ZNF541: variants seen among roughly 807,000 people sequenced by gnomAD.
The protein encoded by ZNF541 is zinc finger protein 541.
Under a neutral mutation model 123.5 loss-of-function variants are expected in ZNF541, and 23 were observed. That is an observed-to-expected ratio of 0.19 (90% CI 0.13 to 0.26). ZNF541 has a LOEUF of 0.26. ZNF541 is among the 10% of genes least tolerant of loss of function. The probability of loss-of-function intolerance (pLI) is 1.00; values close to 1 mark genes in which losing one functional copy is unlikely to be tolerated. For synonymous variants in ZNF541, 751 were observed against 754.5 expected (o/e 1.00, Z 0.08); for missense variants, 1,612 against 1,789.9 (o/e 0.90, Z 1.79).
chr19:47,539,616 T>G (rs1350274162), intron 8 of ZNF541, 89 bp downstream of exon 8: 1 of 1,324,466 alleles, frequency 7.6e-7, no homozygotes, highest in East Asian at 3.1e-5. Context: ...GTCAAAGATT[T>G]TCTGTGGTAT....
intron 3 of ZNF541, among the ~76,000 whole-genome samples, chr19:47,554,954 C>T (rs1382838950): frequency 1.3e-5 from 2 of 151,330 alleles, no homozygotes; most frequent in African/African-American, 4.9e-5. Flanking sequence ...ATTAGCCGGG[C>T]ATGGTGGCAG....
chr19:47,538,582 C>T, intron 8 of ZNF541, 143 bp from the exon 9 acceptor site: 2 of 836,262 alleles, frequency 2.4e-6, no homozygotes, highest in Non-Finnish European at 3.6e-6. Flanking sequence ...AGGCTGGCCA[C>T]ACCTGAGCCA....
intron 3 of ZNF541, among the ~76,000 whole-genome samples, chr19:47,551,328 C>T: frequency 6.6e-6 from 1 of 151,590 alleles, no homozygotes; most frequent in East Asian, 2.0e-4. Flanking sequence ...GTGTGAGCCA[C>T]CGCGCCCAGC....
rs1970262335 is a variant in ZNF541, at chr19:47,544,951, C to T, written c.1578G>A (p.Lys526=). ...AGGCATCCGCAGGGAGCCCGCCTGC[C>T]TTCTGGGCCTCCTGGAGGCCGGGCT... The part of the protein sequence containing the change: ...PGEPGLQEAQ[K]AGGLPADASP... The change falls in exon 5 of 17, where the codon AAG becomes AAA. Residue 526 remains lysine (K), a synonymous_variant. Transcript: ENST00000391901. 2 of 1,534,678 alleles carry T rather than the reference C, an allele frequency of 1.3e-6. No individual in the cohort carries two copies. The highest frequency in any genetic ancestry group is 1.2e-5 in the South Asian group (1 of 84,004).
At position 47,538,490 on chromosome 19, in the gene ZNF541, A is replaced by C; in HGVS notation, c.2797-51T>G. ...GTCGCCTGAAGCCACCTACTGCACC[A>C]CTCCATCTCCAGGATGGAAAGAGAG... is the stretch of plus-strand genomic sequence containing the variant. On this transcript the variant is annotated intron_variant, in intron 8 of 16. Transcript: ENST00000391901. 3 of 1,420,254 alleles carry C rather than the reference A, an allele frequency of 2.1e-6. No homozygotes were observed. The East Asian group carries it at 7.8e-5, about 37-fold the overall frequency. 88.0% of individuals were successfully genotyped at this position (1,420,254 alleles called of 1,614,324 possible).
chr19:47,561,305 G>C (rs1035213771), intron 2 of ZNF541, among the ~76,000 whole-genome samples: 1 of 152,046 alleles, frequency 6.6e-6, no homozygotes, highest in African/African-American at 2.4e-5. Flanking sequence ...GGGCATGGTG[G>C]CACATGCTTG....
At chr19:47,553,674 G>C (rs1970699833) in intron 3 of ZNF541, among the ~76,000 whole-genome samples, 1 of 152,136 alleles carries the variant, frequency 6.6e-6, no homozygotes. Context: ...AAAGTGCTGG[G>C]ATTACAGGCG....
intron 2 of ZNF541, among the ~76,000 whole-genome samples, chr19:47,566,242 A>C (rs925113932): frequency 6.6e-6 from 1 of 152,104 alleles, no homozygotes; most frequent in African/African-American, 2.4e-5. Flanking sequence ...AGGGGAAACA[A>C]AGGATTCTTC....
At position 47,570,766 on chromosome 19, in the gene ZNF541, G is replaced by C. The variant is rs1035441623; in HGVS notation, c.-99+1130C>G. 2.2e-4 allele frequency among the ~76,000 whole-genome samples: 34 copies of C among 151,510 alleles called. No homozygotes were observed. In the South Asian group the frequency reaches 2.9e-3, roughly 13 times the overall value. On this transcript the variant is annotated intron_variant, in intron 2 of 16. Transcript: ENST00000391901. ...CTCTACAGCCTTCAATAATTTTTAA[G>C]TGCAAAGGGGTCTTAAGAGCAAAAG...
In ZNF541 at chr19:47,539,727, C is replaced by T. The variant is rs1174703773; in HGVS notation, c.2774G>A (p.Arg925Gln). 5 of 1,438,728 alleles carry T rather than the reference C, an allele frequency of 3.5e-6. No homozygotes were observed. Among genetic ancestry groups the T allele is most frequent in the African/African-American group, 1.5e-5 (1 of 66,294 alleles). 89.1% of individuals were successfully genotyped at this position (1,438,728 alleles called of 1,614,324 possible). ...CACCATGGCCATGCTCCCTATGTGT[C>T]GGGTCACTGGAACCACGGGGATCGA... Reference protein sequence around the residue: ...PQSIPVVPVTRHIGSMAMGQE... With the variant: ...PQSIPVVPVTQHIGSMAMGQE... Residue 925 changes from arginine to glutamine, a missense_variant, in exon 8 of 17, where the codon CGA becomes CAA. Around this residue, in one of 5 missense-constraint regions of ZNF541, gnomAD observed 1,080 missense variants for 1,013.8 expected, o/e 1.07. Transcript: ENST00000391901.
chr19:47,525,917 CA>C (rs34123668), intron 14 of ZNF541, among the ~76,000 whole-genome samples: 12,781 of 57,992 alleles, frequency 0.22, 222 homozygotes, highest in African/African-American at 0.27. Flanking sequence ...CTCCGTCTCA[CA>C]AAAAAAAAAA....
intron 2 of ZNF541, among the ~76,000 whole-genome samples, chr19:47,556,437 G>T (rs879610297): frequency 6.6e-6 from 1 of 152,140 alleles, no homozygotes; most frequent in Non-Finnish European, 1.5e-5. Flanking sequence ...TGAAGTACTT[G>T]ATTTTTTCTT....
rs1452692447 is a variant in ZNF541 at position 47,545,557 on chromosome 19, G to T, written c.972C>A (p.His324Gln). Reference protein sequence around the residue: ...GSSSCTPAGPHAAPAALDTEL... With the variant: ...GSSSCTPAGPQAAPAALDTEL... Reference sequence around the variant, plus strand: ...CGGTGTCCAGCGCTGCTGGGGCCGCGTGGGGGCCGGCTGGGGTGCAGGACG... The same window carrying T: ...CGGTGTCCAGCGCTGCTGGGGCCGCTTGGGGGCCGGCTGGGGTGCAGGACG... Residue 324 changes from histidine (H) to glutamine (Q), a missense_variant, in exon 5 of 17, where the codon CAC (histidine) becomes CAA (glutamine). Transcript: ENST00000391901. This position sits in a 1 kb window ranked among gnomAD's most constrained non-coding sequence, Gnocchi z 7.5. The T allele has an allele frequency of 1.3e-6, 2 of 1,538,858 alleles. No individual in the cohort carries two copies. The highest frequency in any genetic ancestry group is 1.2e-5 in the South Asian group (1 of 82,876).
At chr19:47,534,279 A>T (rs1334680115) in intron 9 of ZNF541, among the ~76,000 whole-genome samples, 1 of 152,204 alleles carries the variant, frequency 6.6e-6, no homozygotes, top group East Asian at 1.9e-4. Flanking sequence ...CCTCAGAGAA[A>T]TGTGGGATAC....
In ZNF541 at chr19:47,529,640, T is replaced by C; in HGVS notation, c.3418A>G (p.Thr1140Ala). The C allele has an allele frequency of 1.3e-6, 2 of 1,550,654 alleles. No individual in the cohort carries two copies. The highest frequency in any genetic ancestry group is 1.2e-5 in the South Asian group (1 of 84,016). ...AQGNVQVALE[T>A]LLLRGPHKPR... The stretch of plus-strand genomic sequence containing the variant: ...TTGTGGGGCCCTCGGAGCAGAAGAG[T>C]CTCCAGGGCGACCTGGAACAAGAGG... Residue 1140 changes from threonine to alanine, a missense_variant, in exon 13 of 17, where the codon ACT (threonine) becomes GCT (alanine). By Grantham distance (58) the Thr-to-Ala change is moderately conservative. This residue lies in a region of ZNF541 where 285 missense variants were observed against 407.3 expected (regional missense o/e 0.70). Transcript: ENST00000391901.
chr19:47,562,704 G>C (rs1971114004), intron 2 of ZNF541, among the ~76,000 whole-genome samples: 1 of 152,172 alleles, frequency 6.6e-6, no homozygotes, highest in South Asian at 2.1e-4. Context: ...ATGGCCATCT[G>C]TCTCACACAA....
At chr19:47,560,062 C>T (rs181023925) in intron 2 of ZNF541, among the ~76,000 whole-genome samples, 6 of 152,134 alleles carry the variant, frequency 3.9e-5, no homozygotes, top group Admixed American at 3.3e-4. Context: ...TCAGTGGCTC[C>T]CTGAAAGCCC....
intron 9 of ZNF541, among the ~76,000 whole-genome samples, chr19:47,533,847 A>C (rs1361430166): frequency 6.6e-6 from 1 of 152,206 alleles, no homozygotes; most frequent in Non-Finnish European, 1.5e-5. Context: ...AAAATAAAAA[A>C]TAAAAAATAA....
At chr19:47,561,604 C>T (rs1014566698) in intron 2 of ZNF541, among the ~76,000 whole-genome samples, 10 of 152,120 alleles carry the variant, frequency 6.6e-5, no homozygotes, top group African/African-American at 2.2e-4. Flanking sequence ...GACCTTCGCT[C>T]TGTGCAGGCA....
Sources: gnomAD v4.1 joint callset for allele counts (sites outside exome capture counted in the v4.1 genomes callset) on GRCh38, gnomAD v4.1.1 for gene constraint, gnomAD v4.1.1 regional missense constraint, Gnocchi (gnomAD v3.1) non-coding constraint, MANE v1.5 for transcripts, NCBI Gene and HGNC (gene_info 2026-07-23, HGNC 2026-07-21) for gene names.